KCNJ16: variants seen among roughly 807,000 people sequenced by gnomAD.
KCNJ16 encodes the protein potassium inwardly rectifying channel subfamily J member 16.
A neutral mutation model predicts 18.5 loss-of-function variants in KCNJ16; 15 were observed. The ratio of observed to expected loss-of-function variants is 0.81; its 90% CI spans 0.54 to 1.25. The LOEUF (loss-of-function observed/expected upper bound fraction) is 1.25. Among genes scored for constraint, KCNJ16 ranks in the 50% most tolerant of loss-of-function variants. KCNJ16 has a pLI of 0.00. For synonymous variants in KCNJ16, 174 were observed against 186.5 expected, an observed-to-expected ratio of 0.93 and a Z score of 0.55; for missense variants, 523 against 525.7, an observed-to-expected ratio of 0.99 and a Z score of 0.05.
chr17:70,125,100 TA>T (rs1458137022), intron 2 of KCNJ16, among the ~76,000 whole-genome samples: 1 of 151,854 alleles, frequency 6.6e-6, no homozygotes, highest in Admixed American at 6.6e-5. Context: ...ACCCTATCTC[TA>T]AAAATAAATA....
intron 2 of KCNJ16, chr17:70,128,709 C>A (rs966428355): frequency 2.0e-5 from 3 of 152,210 alleles, no homozygotes; most frequent in African/African-American, 7.2e-5. Context: ...TAGTAATTTT[C>A]ATTTGCAATA....
At chr17:70,087,202 A>T (rs1351249409) in intron 1 of KCNJ16, among the ~76,000 whole-genome samples, 2 of 152,020 alleles carry the variant, frequency 1.3e-5, no homozygotes, top group Non-Finnish European at 2.9e-5. Flanking sequence ...TCTTTAAAAC[A>T]ACTCTGTGAG....
In KCNJ16 at chr17:70,102,215, C is replaced by CTTTTTTTTTTT. The variant is rs10600577; in HGVS notation, c.-191+1469_-191+1479dup. 4 of 48,128 alleles carry CTTTTTTTTTTT rather than the reference C, an allele frequency of 8.3e-5. 2 individuals carry two copies. The highest frequency in any genetic ancestry group is 1.7e-4 in the African/African-American group (2 of 11,962). 3.0% of individuals were successfully genotyped at this position (48,128 alleles called of 1,614,324 possible). A position where few individuals can be genotyped will look rare whatever the true frequency, so the allele number is the denominator to read the frequency against. On this transcript the variant is annotated intron_variant, in intron 2 of 3. Transcript: ENST00000392671. ...TCTTTCTTCTTGTTCACCAAAAGTA[C>CTTTTTTTTTTT]TTTTTTTTTTTTTTTTTTTTTTTTT...
chr17:70,123,246 T>A (rs2073718538), intron 2 of KCNJ16, among the ~76,000 whole-genome samples: 1 of 149,886 alleles, frequency 6.7e-6, no homozygotes, highest in Non-Finnish European at 1.5e-5. Flanking sequence ...AAGCATGTCC[T>A]ATGCACCTTT....
At chr17:70,100,880 C>T (rs1050818294) in intron 2 of KCNJ16, 114 bp downstream of exon 2, 3 of 152,214 alleles carry the variant, frequency 2.0e-5, no homozygotes, top group African/African-American at 7.2e-5. Flanking sequence ...CAGCTTTCTA[C>T]TTATACGTTT....
intron 1 of KCNJ16, chr17:70,096,961 C>T: frequency 2.5e-6 from 1 of 398,250 alleles, no homozygotes; most frequent in Non-Finnish European, 4.4e-6. Flanking sequence ...GGTAACATGT[C>T]CTAACATATT....
intron 2 of KCNJ16, chr17:70,108,469 A>AT (rs2073033228): frequency 9.3e-6 from 1 of 107,384 alleles, no homozygotes; most frequent in African/African-American, 7.6e-5. Flanking sequence ...GCATAGTTTA[A>AT]AAGACAAATC....
intron 2 of KCNJ16, among the ~76,000 whole-genome samples, chr17:70,113,373 G>T (rs541946287): frequency 6.6e-6 from 1 of 152,102 alleles, no homozygotes; most frequent in Non-Finnish European, 1.5e-5. Context: ...GGTTTACTTG[G>T]CAAGACTGAA....
At chr17:70,119,635 G>C (rs1490273185) in intron 2 of KCNJ16, among the ~76,000 whole-genome samples, 1 of 152,220 alleles carries the variant, frequency 6.6e-6, no homozygotes, top group Non-Finnish European at 1.5e-5. Flanking sequence ...GGGGCCCTTT[G>C]AGCTAAGGCT....
intron 1 of KCNJ16, among the ~76,000 whole-genome samples, chr17:70,083,934 GGTGTC>G (rs2071675452): frequency 6.6e-6 from 1 of 151,982 alleles, no homozygotes; most frequent in Non-Finnish European, 1.5e-5. Flanking sequence ...AGCCCATGTT[GGTGTC>G]CCATGGCTTT....
At chr17:70,110,277 CCATT>C (rs2073129935) in intron 2 of KCNJ16, among the ~76,000 whole-genome samples, 1 of 152,048 alleles carries the variant, frequency 6.6e-6, no homozygotes, top group South Asian at 2.1e-4. Flanking sequence ...CTAATAATCA[CCATT>C]ATTATATTAA....
rs377652819 is a variant in KCNJ16 at position 70,132,099 on chromosome 17, C to T, written c.12C>T (p.Tyr4=). The change falls in exon 4 of 4, where the codon TAC becomes TAT. Residue 4 remains tyrosine (Y), a synonymous_variant. Transcript: ENST00000392671. ...GGGCACAGCAAAGAATGAGCTATTA[C>T]GGCAGCAGCTATCATATTATCAATG... MSY[Y]GSSYHIINAD... The T allele has an allele frequency of 3.2e-5, 52 of 1,614,176 alleles. No homozygotes were observed. The highest frequency in any genetic ancestry group is 3.3e-4 in the Middle Eastern group (2 of 6,062).
At chr17:70,097,570 C>A (rs979476302) in intron 1 of KCNJ16, among the ~76,000 whole-genome samples, 2 of 152,070 alleles carry the variant, frequency 1.3e-5, no homozygotes, top group Non-Finnish European at 2.9e-5. Context: ...TAAGAACAGG[C>A]CCTCATCGCA....
At chr17:70,093,129 T>C (rs1369692895) in intron 1 of KCNJ16, among the ~76,000 whole-genome samples, 1 of 152,120 alleles carries the variant, frequency 6.6e-6, no homozygotes, top group Non-Finnish European at 1.5e-5. Flanking sequence ...TGGAAGAAAA[T>C]CTGAAAAAGG....
At chr17:70,102,713 T>A (rs1167666344) in intron 2 of KCNJ16, among the ~76,000 whole-genome samples, 1 of 152,112 alleles carries the variant, frequency 6.6e-6, no homozygotes, top group Non-Finnish European at 1.5e-5. Flanking sequence ...TCTACCCCAT[T>A]TGACAGCGGA....
At chr17:70,096,963 TA>T in intron 1 of KCNJ16, 1 of 398,258 alleles carries the variant, frequency 2.5e-6, no homozygotes, top group Non-Finnish European at 4.4e-6. Flanking sequence ...TAACATGTCC[TA>T]ACATATTAAA....
At chr17:70,109,875 A>G (rs1472997329) in intron 2 of KCNJ16, among the ~76,000 whole-genome samples, 1 of 152,072 alleles carries the variant, frequency 6.6e-6, no homozygotes, top group Non-Finnish European at 1.5e-5. Flanking sequence ...CAGCCCCACA[A>G]TCTGCTAGCA....
At chr17:70,121,001 T>C (rs761371258) in intron 2 of KCNJ16, among the ~76,000 whole-genome samples, 1 of 151,868 alleles carries the variant, frequency 6.6e-6, no homozygotes, top group African/African-American at 2.4e-5. Context: ...AGTTAGGGGG[T>C]ATAAATGATT....
At chr17:70,106,487 T>C (rs966911715) in intron 2 of KCNJ16, among the ~76,000 whole-genome samples, 3 of 152,096 alleles carry the variant, frequency 2.0e-5, no homozygotes, top group African/African-American at 4.8e-5. Flanking sequence ...GAGAGAGTGA[T>C]AGGGGGTTAA....
Sources: gnomAD v4.1 joint callset for allele counts (sites outside exome capture counted in the v4.1 genomes callset) on GRCh38, gnomAD v4.1.1 for gene constraint, MANE v1.5 for transcripts, NCBI Gene and HGNC (gene_info 2026-07-23, HGNC 2026-07-21) for gene names.